The following ANO10 variants were observed in gnomAD, a reference collection of about 807,000 sequenced individuals.
ANO10 encodes the protein anoctamin-10.
ANO10 carries 77 observed loss-of-function variants against 74.7 expected under a neutral mutation model. The observed-to-expected ratio is 1.03, with a 90% CI of 0.86 to 1.25. The LOEUF (loss-of-function observed/expected upper bound fraction) is 1.25, where lower values mean the gene tolerates loss of function less well. Ranked by LOEUF, ANO10 falls within the 50% of genes most tolerant of loss-of-function variation. The pLI, the probability that ANO10 is intolerant of heterozygous loss-of-function variation, is 0.00. For missense variants in ANO10, 721 were observed against 778.1 expected (o/e 0.93, Z 0.87); for synonymous variants, 279 against 284.9 (o/e 0.98, Z 0.21).
At chr3:43,518,379 A>G (rs541571149) in intron 11 of ANO10, among the ~76,000 whole-genome samples, 1 of 152,166 alleles carries the variant, frequency 6.6e-6, no homozygotes, top group South Asian at 2.1e-4. Context: ...TAAATTGAGG[A>G]TGTATGTCGC....
chr3:43,401,345 T>C (rs1216967986), intron 12 of ANO10, among the ~76,000 whole-genome samples: 3 of 152,176 alleles, frequency 2.0e-5, no homozygotes, highest in Non-Finnish European at 4.4e-5. Flanking sequence ...AAAATTCCCT[T>C]GCAGGCTGAA....
chr3:43,543,426 G>C (rs1005202525), intron 11 of ANO10, among the ~76,000 whole-genome samples: 3 of 152,140 alleles, frequency 2.0e-5, no homozygotes, highest in African/African-American at 7.2e-5. Context: ...GTCTCGCTCT[G>C]TCACCCAGGC....
chr3:43,428,286 C>T (rs1575764335), intron 12 of ANO10, among the ~76,000 whole-genome samples: 1 of 151,958 alleles, frequency 6.6e-6, no homozygotes, highest in Non-Finnish European at 1.5e-5. Flanking sequence ...CTGACCTCAA[C>T]TGATCCACCC....
intron 3 of ANO10, among the ~76,000 whole-genome samples, chr3:43,599,266 C>T (rs1049802544): frequency 2.6e-5 from 4 of 152,196 alleles, no homozygotes; most frequent in African/African-American, 9.6e-5. Flanking sequence ...ATCACATCTT[C>T]TAACTCTGAA....
Position 43,663,962 on chromosome 3 carries a change from T to A in ANO10, c.-12+27555A>T, listed in dbSNP as rs576763289. On this transcript the variant is annotated intron_variant, in intron 1 of 3. Transcript: ENST00000413397. ...ATGAAAACGGCCTTACTGCCCAAAGTAATTTATAGATTCAATGCTATCCCC... is the reference window on the plus strand; with the variant it reads ...ATGAAAACGGCCTTACTGCCCAAAGAAATTTATAGATTCAATGCTATCCCC... 5.3e-5 allele frequency among the ~76,000 whole-genome samples: 8 copies of A among 152,310 alleles called. No homozygotes were observed. The South Asian group carries it at 1.7e-3, about 32-fold the overall frequency.
At chr3:43,499,082 C>T (rs2077011545) in intron 11 of ANO10, among the ~76,000 whole-genome samples, 1 of 152,134 alleles carries the variant, frequency 6.6e-6, no homozygotes, top group African/African-American at 2.4e-5. Flanking sequence ...AGTTCCAGGG[C>T]TCATGTAGAG....
chr3:43,606,588 G>A (rs960443345), intron 1 of ANO10, among the ~76,000 whole-genome samples: 10 of 151,768 alleles, frequency 6.6e-5, no homozygotes, highest in Admixed American at 2.0e-4. Flanking sequence ...ACAATGAAGA[G>A]GAAAGGATAG....
intron 11 of ANO10, among the ~76,000 whole-genome samples, chr3:43,531,900 C>CA (rs397952583): frequency 0.047 from 5,732 of 122,436 alleles, 279 homozygotes; most frequent in African/African-American, 0.13. Context: ...GACCCTGTCT[C>CA]AAAAAAAAAA....
intron 1 of ANO10, among the ~76,000 whole-genome samples, chr3:43,643,380 A>G (rs1475148802): frequency 6.6e-6 from 1 of 151,754 alleles, no homozygotes; most frequent in Non-Finnish European, 1.5e-5. Flanking sequence ...GCTGGGTGAA[A>G]GGTTAGCACA....
intron 4 of ANO10, among the ~76,000 whole-genome samples, chr3:43,584,739 C>T (rs1200058013): frequency 6.6e-6 from 1 of 152,124 alleles, no homozygotes; most frequent in Non-Finnish European, 1.5e-5. Flanking sequence ...ATCATGTTTA[C>T]GTGACAAAAC....
At chr3:43,494,297 T>A (rs2010778) in intron 11 of ANO10, among the ~76,000 whole-genome samples, 1 of 151,818 alleles carries the variant, frequency 6.6e-6, no homozygotes, top group Non-Finnish European at 1.5e-5. Flanking sequence ...GTACTACAAA[T>A]ACAACATTGG....
intron 11 of ANO10, among the ~76,000 whole-genome samples, chr3:43,529,384 G>A (rs1344304014): frequency 6.6e-6 from 1 of 152,122 alleles, no homozygotes. Flanking sequence ...ACTCAAAGTG[G>A]GGTTCATGGC....
intron 1 of ANO10, among the ~76,000 whole-genome samples, chr3:43,652,314 A>G (rs1042474296): frequency 3.9e-5 from 6 of 152,200 alleles, no homozygotes; most frequent in Non-Finnish European, 8.8e-5. Context: ...ATATTAATAC[A>G]TCAATGGGAT....
chr3:43,507,683 G>A (rs913006677), intron 11 of ANO10, among the ~76,000 whole-genome samples: 10 of 152,092 alleles, frequency 6.6e-5, no homozygotes, highest in Non-Finnish European at 1.3e-4. Context: ...AAATCCTGAT[G>A]GATGAGGGTA....
chr3:43,599,487 T>C (rs1014883109), intron 3 of ANO10, among the ~76,000 whole-genome samples: 6 of 152,234 alleles, frequency 3.9e-5, no homozygotes, highest in African/African-American at 1.4e-4. Context: ...GTATTTCTTA[T>C]TATTATAAAA....
At chr3:43,591,227 T>C (rs916813962) in intron 4 of ANO10, among the ~76,000 whole-genome samples, 1 of 152,166 alleles carries the variant, frequency 6.6e-6, no homozygotes, top group African/African-American at 2.4e-5. Flanking sequence ...AGACCCACCA[T>C]TGACTTCCAT....
chr3:43,647,324 T>C lies in ANO10; in HGVS notation c.-11-41461A>G, dbSNP rs1379799842. Among the ~76,000 whole-genome samples the C allele has an allele frequency of 2.6e-5, 4 of 152,068 alleles. No homozygotes were observed. In the East Asian group the frequency reaches 7.7e-4, roughly 29 times the overall value. ...GAATTAGGAAAGCCAGTGGTGTGTGTTGGGGAGTTGGGGGAGCGCTGGTAT... is the reference window on the plus strand; with the variant it reads ...GAATTAGGAAAGCCAGTGGTGTGTGCTGGGGAGTTGGGGGAGCGCTGGTAT... On this transcript the variant is annotated intron_variant, in intron 1 of 3. Coordinates refer to the ANO10 transcript ENST00000413397.
chr3:43,421,433 G>C (rs2092818344), intron 12 of ANO10, among the ~76,000 whole-genome samples: 6 of 152,176 alleles, frequency 3.9e-5, no homozygotes, highest in Admixed American at 3.9e-4. Flanking sequence ...ACTGAGGCAG[G>C]AAGATCATTT....
chr3:43,577,489 G>GGC (rs1202816512), intron 5 of ANO10, among the ~76,000 whole-genome samples: 1 of 151,512 alleles, frequency 6.6e-6, no homozygotes. Context: ...GCTGGGGGGT[G>GGC]TGCTCCGCCA....
Sources: gnomAD v4.1 joint callset for allele counts (sites outside exome capture counted in the v4.1 genomes callset) on GRCh38, gnomAD v4.1.1 for gene constraint, MANE v1.5 for transcripts, NCBI Gene and HGNC (gene_info 2026-07-23, HGNC 2026-07-21) for gene names.